The following KIF11 variants were observed in gnomAD, a reference collection of about 807,000 sequenced individuals.
KIF11 encodes kinesin family member 11, also known as kinesin-like protein KIF11.
Under a neutral mutation model 121.0 loss-of-function variants are expected in KIF11, and 9 were observed. That is an observed-to-expected ratio of 0.07 (90% CI 0.04 to 0.13). KIF11 has a LOEUF of 0.13. KIF11 is among the 10% of genes least tolerant of loss of function. The probability of loss-of-function intolerance (pLI) is 1.00; values close to 1 mark genes in which losing one functional copy is unlikely to be tolerated. For missense variants in KIF11, 846 were observed against 1,217.5 expected, an observed-to-expected ratio of 0.69 and a Z score of 4.54; for synonymous variants, 408 against 421.0, an observed-to-expected ratio of 0.97 and a Z score of 0.38.
At position 92,628,169 on chromosome 10, in the gene KIF11, C is replaced by T. The variant is rs551495326; in HGVS notation, c.1218-639C>T. On this transcript the variant is annotated intron_variant, in intron 10 of 21. Transcript: ENST00000260731. ...AACATCCTAAAATGTACAGGACATC[C>T]CCACAATGAAGAATTATTTGATCCA... 6.6e-5 allele frequency among the ~76,000 whole-genome samples: 10 copies of T among 151,934 alleles called. No individual in the cohort carries two copies. In the East Asian group the frequency reaches 7.8e-4, roughly 12 times the overall value.
rs969733264 is a variant in KIF11, at chr10:92,613,775, G to T, written c.1032+156G>T. ...AAGGTGGGCGGATCACTTGAGCTTA[G>T]GAGTGCCTGGGCAACATGCCGAAAC... On this transcript the variant is annotated intron_variant, in intron 8 of 21. Transcript: ENST00000260731. The surrounding 1 kb of genome is among the most constrained non-coding windows in gnomAD (Gnocchi z 4.2). Among the ~76,000 whole-genome samples the T allele has an allele frequency of 6.6e-6, 1 of 152,070 alleles. No individual in the cohort carries two copies. Among genetic ancestry groups the T allele is most frequent in the African/African-American group, 2.4e-5 (1 of 41,408 alleles).
At chr10:92,611,336 C>T (rs35352564) in intron 6 of KIF11, among the ~76,000 whole-genome samples, 3 of 151,950 alleles carry the variant, frequency 2.0e-5, no homozygotes, top group Non-Finnish European at 4.4e-5. Flanking sequence ...CCTCAGCCTC[C>T]TGAGTAGCTG....
rs1845015147 is a variant in KIF11, at chr10:92,653,851, A to C, written c.*55A>C. 5.4e-6 allele frequency: 8 copies of C among 1,493,568 alleles called. No homozygotes were observed. Among genetic ancestry groups the C allele is most frequent in the Non-Finnish European group, 6.4e-6 (7 of 1,086,854 alleles). 92.5% of individuals were successfully genotyped at this position (1,493,568 alleles called of 1,614,324 possible). A position where few individuals can be genotyped will look rare whatever the true frequency, so the allele number is the denominator to read the frequency against. The stretch of plus-strand genomic sequence containing the variant: ...AAAGAAAACTTAAAAATAAAACCTG[A>C]AACCCCAGAACTTGAGCCTTGTGTA... On this transcript the variant is annotated 3_prime_UTR_variant, in exon 22 of 22. Transcript: ENST00000260731.
chr10:92,641,005 C>G (rs1228875035), intron 17 of KIF11, among the ~76,000 whole-genome samples: 1 of 152,200 alleles, frequency 6.6e-6, no homozygotes, highest in African/African-American at 2.4e-5. Flanking sequence ...ACCTCGGCCT[C>G]CCAAAGTGCT....
In KIF11 at chr10:92,640,052, C is replaced by A. The variant is rs1589605171; in HGVS notation, c.2267+152C>A. On this transcript the variant is annotated intron_variant, in intron 17 of 21. Coordinates refer to ENST00000260731, the MANE Select transcript of KIF11 (RefSeq NM_004523.4). ...ATGTATGTGTGTATGTATATATATA[C>A]ATGCATATAAATGTCTTTTCATTGC... is the stretch of plus-strand genomic sequence containing the variant. 4 of 466,462 alleles carry A rather than the reference C, an allele frequency of 8.6e-6. No homozygotes were observed. In the East Asian group the frequency reaches 1.4e-4, roughly 17 times the overall value. The allele number at this position is 466,462 out of a possible 1,614,324, so 28.9% of individuals were successfully genotyped here.
rs759860689 is a variant in KIF11, at chr10:92,637,177, A to T, written c.1876-7A>T. ...TTAAAGACCTATTTGTTTATTTCTG[A>T]AACCAGAATGTACTCAAGACTGATC... On this transcript the variant is annotated splice_polypyrimidine_tract_variant and splice_region_variant and intron_variant, in intron 14 of 21. Transcript: ENST00000260731. 1 of 1,574,204 alleles carries T rather than the reference A, an allele frequency of 6.4e-7. No individual in the cohort carries two copies. The highest frequency in any genetic ancestry group is 2.1e-5 in the Admixed American group (1 of 46,946).
In KIF11 at chr10:92,613,181, C is replaced by A; in HGVS notation, c.789+51C>A. The A allele has an allele frequency of 7.1e-7, 1 of 1,406,108 alleles. No homozygotes were observed. Among genetic ancestry groups the A allele is most frequent in the Non-Finnish European group, 9.9e-7 (1 of 1,013,856 alleles). 87.1% of individuals were successfully genotyped at this position (1,406,108 alleles called of 1,614,324 possible). On this transcript the variant is annotated intron_variant, in intron 7 of 21. Coordinates refer to ENST00000260731, the MANE Select transcript of KIF11 (RefSeq NM_004523.4). The surrounding 1 kb of genome is among the most constrained non-coding windows in gnomAD (Gnocchi z 4.2). Reference sequence around the variant, plus strand: ...TTTCACTCTTAAACACCTTATAGAGCAGCTTGAAATTTTGTCCTTGAGACA... The same window carrying A: ...TTTCACTCTTAAACACCTTATAGAGAAGCTTGAAATTTTGTCCTTGAGACA...
rs1371603472 is a variant in KIF11, at chr10:92,616,661, T to C, written c.1033-76T>C. On this transcript the variant is annotated intron_variant, in intron 8 of 21. Transcript: ENST00000260731. The stretch of plus-strand genomic sequence containing the variant: ...ATAAAATATTACTTGTAAGTTATTA[T>C]ATAACATATTTTAGATAACAGAACT... The C allele has an allele frequency of 3.2e-5, 23 of 722,630 alleles. No homozygotes were observed. In the East Asian group the frequency reaches 6.4e-4, roughly 20 times the overall value. The allele number at this position is 722,630 out of a possible 1,614,324, so 44.8% of individuals were successfully genotyped here. A position where few individuals can be genotyped will look rare whatever the true frequency, so the allele number is the denominator to read the frequency against.
chr10:92,610,226 C>T (rs1309741175), intron 6 of KIF11, among the ~76,000 whole-genome samples: 1 of 152,026 alleles, frequency 6.6e-6, no homozygotes, highest in Non-Finnish European at 1.5e-5. Flanking sequence ...GTTTGAAAAC[C>T]CTTGCATTGA....
Position 92,610,372 on chromosome 10 carries a change from C to T in KIF11, c.698+863C>T, listed in dbSNP as rs143396634. Among the ~76,000 whole-genome samples the T allele has an allele frequency of 2.8e-4, 43 of 152,086 alleles. 2 individuals carry two copies. In the East Asian group the frequency reaches 8.3e-3, roughly 29 times the overall value. The stretch of plus-strand genomic sequence containing the variant: ...ATATCTTTTACCGAAATATAAAATT[C>T]CTTTTTAAAAAATTGTTTATTTTCC... On this transcript the variant is annotated intron_variant, in intron 6 of 21. Transcript: ENST00000260731.
intron 17 of KIF11, among the ~76,000 whole-genome samples, chr10:92,642,296 T>C (rs1290231917): frequency 6.6e-6 from 1 of 152,244 alleles, no homozygotes; most frequent in Non-Finnish European, 1.5e-5. Flanking sequence ...TGTTTAGGCT[T>C]AGCATACAGA....
chr10:92,629,866 C>G lies in KIF11; in HGVS notation c.1306-310C>G, dbSNP rs545207175. 1.1e-4 allele frequency among the ~76,000 whole-genome samples: 16 copies of G among 152,300 alleles called. No individual in the cohort carries two copies. In the East Asian group the frequency reaches 3.1e-3, roughly 29 times the overall value. On this transcript the variant is annotated intron_variant, in intron 11 of 21. Transcript: ENST00000260731. ...CTATGGGGCTCAAGTGATCTCCTGC[C>G]TTGGCCTCCCAGAGTGCTGGGGTTA...
At chr10:92,606,478 T>C in intron 2 of KIF11, 81 bp downstream of exon 2, 1 of 1,299,238 alleles carries the variant, frequency 7.7e-7, no homozygotes, top group Non-Finnish European at 1.0e-6. Flanking sequence ...AAATGGTGTA[T>C]ACTTAGAAAT....
At chr10:92,623,643 C>G (rs1036697086) in intron 10 of KIF11, among the ~76,000 whole-genome samples, 2 of 152,016 alleles carry the variant, frequency 1.3e-5, no homozygotes, top group Non-Finnish European at 2.9e-5. Context: ...GTAAGATGCC[C>G]TAGAATCAGA....
intron 6 of KIF11, among the ~76,000 whole-genome samples, chr10:92,611,465 G>T (rs1160820967): frequency 6.6e-6 from 1 of 151,896 alleles, no homozygotes; most frequent in Non-Finnish European, 1.5e-5. Flanking sequence ...GTCCACCTCG[G>T]CTTCCCAAAG....
In KIF11 at chr10:92,653,746, C is replaced by T. The variant is rs1440822101; in HGVS notation, c.3121C>T (p.His1041Tyr). 1.2e-6 allele frequency: 2 copies of T among 1,613,562 alleles called. No homozygotes were observed. Among genetic ancestry groups the T allele is most frequent in the African/African-American group, 2.7e-5 (2 of 74,918 alleles). ...ERSKVEETTEHLVTKSRLPLR... is the reference protein window; with the variant it reads ...ERSKVEETTEYLVTKSRLPLR... ...GTCTAAAGTGGAAGAAACTACAGAG[C>T]ACTTGGTTACAAAGAGCAGATTACC... The change falls in exon 22 of 22, where the codon CAC (histidine) becomes TAC (tyrosine). Residue 1041 changes from histidine to tyrosine, a missense_variant. Around this residue, in one of 5 missense-constraint regions of KIF11, gnomAD observed 492 missense variants for 603.4 expected, o/e 0.82. Transcript: ENST00000260731.
At chr10:92,641,803 T>C (rs1345374011) in intron 17 of KIF11, among the ~76,000 whole-genome samples, 2 of 152,164 alleles carry the variant, frequency 1.3e-5, no homozygotes. Flanking sequence ...TTTATTTTGG[T>C]CCCTCAGGAG....
intron 1 of KIF11, among the ~76,000 whole-genome samples, chr10:92,595,069 A>G (rs1011533838): frequency 2.6e-5 from 4 of 152,132 alleles, no homozygotes; most frequent in Admixed American, 6.6e-5. Flanking sequence ...CATGTGGTTT[A>G]TCAGTTTTTT....
At chr10:92,625,646 G>A (rs900379075) in intron 10 of KIF11, among the ~76,000 whole-genome samples, 2 of 152,016 alleles carry the variant, frequency 1.3e-5, no homozygotes, top group African/African-American at 4.8e-5. Context: ...ACCGTGCCCC[G>A]CTGGGTGTAT....
Sources: gnomAD v4.1 joint callset for allele counts (sites outside exome capture counted in the v4.1 genomes callset) on GRCh38, gnomAD v4.1.1 for gene constraint, gnomAD v4.1.1 regional missense constraint, Gnocchi (gnomAD v3.1) non-coding constraint, MANE v1.5 for transcripts, NCBI Gene and HGNC (gene_info 2026-07-23, HGNC 2026-07-21) for gene names.